The following EBF3 variants were observed in gnomAD, a reference collection of about 807,000 sequenced individuals.
EBF3 encodes the protein EBF transcription factor 3.
EBF3 carries 18 observed loss-of-function variants against 77.1 expected under a neutral mutation model. The ratio of observed to expected loss-of-function variants is 0.23; its 90% confidence interval spans 0.16 to 0.35. The LOEUF (loss-of-function observed/expected upper bound fraction) is 0.35. Among genes scored for constraint, EBF3 ranks in the 10% least tolerant of loss-of-function variants. The probability of loss-of-function intolerance (pLI) is 1.00; values close to 1 mark genes in which losing one functional copy is unlikely to be tolerated. For missense variants in EBF3, 558 were observed against 860.0 expected, an observed-to-expected ratio of 0.65 and a Z score of 4.39; for synonymous variants, 350 against 343.5, an observed-to-expected ratio of 1.02 and a Z score of -0.21.
At position 129,944,894 on chromosome 10, in the gene EBF3, A is replaced by T. The variant is rs1000721435; in HGVS notation, c.554+12364T>A. Among the ~76,000 whole-genome samples the T allele has an allele frequency of 6.6e-6, 1 of 151,370 alleles. No homozygotes were observed. Among genetic ancestry groups the T allele is most frequent in the Admixed American group, 6.6e-5 (1 of 15,184 alleles). The stretch of plus-strand genomic sequence containing the variant: ...TACGAAAATGTCAGGAGAACTGGGC[A>T]TTTAAAGCTTGATTTTTTAAAAGAA... On this transcript the variant is annotated intron_variant, in intron 6 of 16. Coordinates refer to ENST00000440978, the MANE Select transcript of EBF3 (RefSeq NM_001375380.1). The surrounding 1 kb of genome is among the most constrained non-coding windows in gnomAD (Gnocchi z 5.1).
Position 129,963,329 on chromosome 10 carries a change from T to A in EBF3, c.291+38A>T. ...ACCGGCACCGCCTGCCTCCCGCTTC[T>A]AGAAAGAGAGAGGGTGTGATCGTGT... On this transcript the variant is annotated intron_variant, in intron 2 of 16. Transcript: ENST00000440978. The surrounding 1 kb of genome is among the most constrained non-coding windows in gnomAD (Gnocchi z 7.1). 1 of 1,555,430 alleles carries A rather than the reference T, an allele frequency of 6.4e-7. No individual in the cohort carries two copies. The highest frequency in any genetic ancestry group is 8.7e-7 in the Non-Finnish European group (1 of 1,153,240).
At position 129,842,301 on chromosome 10, in the gene EBF3, A is replaced by C. The variant is rs1225010942; in HGVS notation, c.1195-8T>G. On this transcript the variant is annotated splice_region_variant and splice_polypyrimidine_tract_variant and intron_variant, in intron 12 of 16. Coordinates refer to ENST00000440978, the MANE Select transcript of EBF3 (RefSeq NM_001375380.1). This position sits in a 1 kb window ranked among gnomAD's most constrained non-coding sequence, Gnocchi z 4.4. The stretch of plus-strand genomic sequence containing the variant: ...TCGCTTCAAGATGATCTCCTGCAGC[A>C]GGAGCAAGTGGGAGCCGGCCTGTCA... 2.5e-6 allele frequency: 4 copies of C among 1,574,686 alleles called. No individual in the cohort carries two copies. The highest frequency in any genetic ancestry group is 3.5e-6 in the Non-Finnish European group (4 of 1,158,378).
At chr10:129,903,707 G>A (rs1179189492) in intron 6 of EBF3, among the ~76,000 whole-genome samples, 1 of 152,192 alleles carries the variant, frequency 6.6e-6, no homozygotes, top group South Asian at 2.1e-4. Flanking sequence ...TTTGATGAGA[G>A]TAAAATCCTT....
chr10:129,884,577 A>G (rs1485891180), intron 6 of EBF3, among the ~76,000 whole-genome samples: 2 of 152,200 alleles, frequency 1.3e-5, no homozygotes, highest in Non-Finnish European at 2.9e-5. Context: ...ATATACTTGT[A>G]GTGCCTGCAT....
chr10:129,953,777 G>C (rs1858843474), intron 6 of EBF3, among the ~76,000 whole-genome samples: 1 of 152,224 alleles, frequency 6.6e-6, no homozygotes, highest in African/African-American at 2.4e-5. Flanking sequence ...AGGAGGGGGA[G>C]AAAAGGAGTA....
intron 6 of EBF3, among the ~76,000 whole-genome samples, chr10:129,886,460 C>A (rs1288541937): frequency 1.3e-5 from 2 of 152,196 alleles, no homozygotes; most frequent in African/African-American, 4.8e-5. Context: ...CTCGGAACAG[C>A]ACCGAGCCCT....
intron 6 of EBF3, among the ~76,000 whole-genome samples, chr10:129,936,797 G>A (rs997552936): frequency 6.6e-6 from 1 of 152,020 alleles, no homozygotes; most frequent in Non-Finnish European, 1.5e-5. Flanking sequence ...CAGCTGTGTG[G>A]GGACCCAGGG....
chr10:129,961,184 T>C (rs1859489286), intron 4 of EBF3, among the ~76,000 whole-genome samples: 1 of 152,244 alleles, frequency 6.6e-6, no homozygotes, highest in Non-Finnish European at 1.5e-5. Flanking sequence ...CTCACAATTC[T>C]TAAAGTTAGC....
chr10:129,925,156 T>C (rs111501678), intron 6 of EBF3, among the ~76,000 whole-genome samples: 4 of 151,854 alleles, frequency 2.6e-5, no homozygotes, highest in African/African-American at 7.3e-5. Context: ...TTGAAAGTAA[T>C]GGGCCAGGCG....
At chr10:129,921,837 G>T (rs990905544) in intron 6 of EBF3, among the ~76,000 whole-genome samples, 2 of 152,100 alleles carry the variant, frequency 1.3e-5, no homozygotes, top group African/African-American at 2.4e-5. Flanking sequence ...AAACACGAAG[G>T]CCGCCCTGTC....
rs144803057 is a variant in EBF3 at position 129,836,909 on chromosome 10, T to C, written c.*1034A>G. On this transcript the variant is annotated 3_prime_UTR_variant, in exon 17 of 17. Transcript: ENST00000440978. ...GAAAGTAAGTGTCAAATGAAGACCA[T>C]TTTATTCCTTATAAGACACATAAGG... 55 of 152,814 alleles carry C rather than the reference T, an allele frequency of 3.6e-4. No homozygotes were observed. Among genetic ancestry groups the C allele is most frequent in the African/African-American group, 1.3e-3 (55 of 41,598 alleles). 9.5% of individuals were successfully genotyped at this position (152,814 alleles called of 1,614,324 possible).
Position 129,848,334 on chromosome 10 carries a change from A to C in EBF3, c.1128+58T>G. ...CCAGAGCACCTGCTGCCCCCAAACC[A>C]GAACCAGCCCAGTGGCGGCCCCACC... On this transcript the variant is annotated intron_variant, in intron 11 of 16. Transcript: ENST00000440978. The surrounding 1 kb of genome is among the most constrained non-coding windows in gnomAD (Gnocchi z 4.4). 6.4e-7 allele frequency: 1 copy of C among 1,561,920 alleles called. No homozygotes were observed. The highest frequency in any genetic ancestry group is 1.1e-5 in the South Asian group (1 of 90,046).
intron 7 of EBF3, among the ~76,000 whole-genome samples, chr10:129,876,453 A>T (rs1462549383): frequency 6.6e-6 from 1 of 152,242 alleles, no homozygotes; most frequent in East Asian, 1.9e-4. Context: ...AAATGGAAGC[A>T]GACCCAACTG....
chr10:129,883,179 G>T (rs570328350), intron 6 of EBF3, among the ~76,000 whole-genome samples: 1 of 152,220 alleles, frequency 6.6e-6, no homozygotes, highest in African/African-American at 2.4e-5. Context: ...GCTTGAAAAC[G>T]TGAGTCACTG....
chr10:129,840,246 T>C lies in EBF3; in HGVS notation c.1758A>G (p.Gln586=). ...CCCACGGCCCCGCACCACCCTCACC[T>C]TGCAGTCCATTCCCGTTGGCGCTGG... ...SCTSANGNGL[Q]GSLLGAEDVA... The change falls in exon 15 of 17, where the codon CAA becomes CAG. Residue 586 remains glutamine, a splice_region_variant and synonymous_variant. Coordinates refer to ENST00000440978, the MANE Select transcript of EBF3 (RefSeq NM_001375380.1). 1.5e-6 allele frequency: 2 copies of C among 1,373,664 alleles called. No individual in the cohort carries two copies. The highest frequency in any genetic ancestry group is 1.9e-6 in the Non-Finnish European group (2 of 1,031,316). The allele number at this position is 1,373,664 out of a possible 1,614,324, so 85.1% of individuals were successfully genotyped here.
chr10:129,919,563 A>G (rs533665434), intron 6 of EBF3, among the ~76,000 whole-genome samples: 1 of 152,264 alleles, frequency 6.6e-6, no homozygotes, highest in East Asian at 1.9e-4. Flanking sequence ...TTAGGAGCAG[A>G]CTTAGAAAGC....
intron 11 of EBF3, chr10:129,843,462 G>C: frequency 2.3e-6 from 1 of 426,154 alleles, no homozygotes; most frequent in South Asian, 4.9e-5. Flanking sequence ...AGAGGTGCAC[G>C]GACAAGCGGG....
intron 10 of EBF3, among the ~76,000 whole-genome samples, chr10:129,850,561 C>G (rs118163284): frequency 0.014 from 2,061 of 152,296 alleles, 25 homozygotes; most frequent in Middle Eastern, 0.041. Context: ...AGGCTGGATG[C>G]GGGCCGAGGC....
At chr10:129,959,044 C>T (rs1192566115) in intron 4 of EBF3, 37 bp from the exon 5 acceptor site, 1 of 1,595,484 alleles carries the variant, frequency 6.3e-7, no homozygotes, top group Non-Finnish European at 8.5e-7. Context: ...GGTTACGCGG[C>T]GCCCGCGGCT....
Sources: gnomAD v4.1 joint callset for allele counts (sites outside exome capture counted in the v4.1 genomes callset) on GRCh38, gnomAD v4.1.1 for gene constraint, Gnocchi (gnomAD v3.1) non-coding constraint, MANE v1.5 for transcripts, NCBI Gene and HGNC (gene_info 2026-07-23, HGNC 2026-07-21) for gene names.